The following RAD54L2 variants were observed in gnomAD, a reference collection of about 807,000 sequenced individuals.
RAD54L2 encodes the protein RAD54 like 2.
RAD54L2 carries 27 observed loss-of-function variants against 138.4 expected under a neutral mutation model. That is an observed-to-expected ratio of 0.20 (90% CI 0.14 to 0.27). The LOEUF (loss-of-function observed/expected upper bound fraction) is 0.27, where lower values mean the gene tolerates loss of function less well. Among genes scored for constraint, RAD54L2 ranks in the 10% least tolerant of loss-of-function variants. RAD54L2 has a pLI of 1.00. For missense variants in RAD54L2, 1,396 were observed against 1,890.2 expected (o/e 0.74, Z 4.85); for synonymous variants, 644 against 723.2 (o/e 0.89, Z 1.76).
intron 3 of RAD54L2, among the ~76,000 whole-genome samples, chr3:51,604,129 G>T (rs995019711): frequency 2.6e-5 from 4 of 152,202 alleles, no homozygotes; most frequent in African/African-American, 9.7e-5. Flanking sequence ...AATGGATATA[G>T]ATTGTATGAG....
In RAD54L2 at chr3:51,633,622, G is replaced by A; in HGVS notation, c.871G>A (p.Glu291Lys). The change falls in exon 8 of 23, where the codon GAG (glutamate) becomes AAG (lysine). Residue 291 changes from glutamate to lysine, a missense_variant. Physicochemically the swap from Glu to Lys is moderately conservative, Grantham distance 56 (BLOSUM62 1). This residue lies in a region of RAD54L2 where 12 missense variants were observed against 46.1 expected (regional missense o/e 0.26). Coordinates refer to ENST00000684192, the MANE Select transcript of RAD54L2 (RefSeq NM_015106.4). ...TTACGATAACCTAGTGGAGTCTCTGGAGAGGTTTAAGACCAGCAGTGGCTT... is the reference window on the plus strand; with the variant it reads ...TTACGATAACCTAGTGGAGTCTCTGAAGAGGTTTAAGACCAGCAGTGGCTT... ...FLYDNLVESL[E>K]RFKTSSGFGC... 1 of 1,613,966 alleles carries A rather than the reference G, an allele frequency of 6.2e-7. No individual in the cohort carries two copies. Among genetic ancestry groups the A allele is most frequent in the Non-Finnish European group, 8.5e-7 (1 of 1,179,868 alleles).
intron 22 of RAD54L2, among the ~76,000 whole-genome samples, chr3:51,660,998 G>T (rs983104550): frequency 2.0e-5 from 3 of 151,950 alleles, no homozygotes; most frequent in African/African-American, 7.3e-5. Flanking sequence ...CTGTCACCCA[G>T]GCTGGAGTGC....
chr3:51,648,979 T>C (rs1475477086), intron 19 of RAD54L2, among the ~76,000 whole-genome samples: 1 of 151,996 alleles, frequency 6.6e-6, no homozygotes, highest in Non-Finnish European at 1.5e-5. Flanking sequence ...AGCAGGCTTC[T>C]GAAGGTCAGT....
At chr3:51,562,563 C>T (rs1276442908) in intron 2 of RAD54L2, among the ~76,000 whole-genome samples, 2 of 151,920 alleles carry the variant, frequency 1.3e-5, no homozygotes, top group Non-Finnish European at 2.9e-5. Context: ...CAGGGTTTCA[C>T]CATGTTGGCC....
At chr3:51,554,072 T>A (rs138441330) in intron 2 of RAD54L2, among the ~76,000 whole-genome samples, 1 of 152,226 alleles carries the variant, frequency 6.6e-6, no homozygotes, top group East Asian at 1.9e-4. Context: ...CTGTAGCAAT[T>A]TCTCAAAATA....
intron 7 of RAD54L2, among the ~76,000 whole-genome samples, chr3:51,631,238 T>G (rs1241051474): frequency 6.6e-6 from 1 of 152,136 alleles, no homozygotes; most frequent in South Asian, 2.1e-4. Context: ...TGAGGTGCTC[T>G]CTGGTGAGCA....
At chr3:51,660,312 G>T (rs1466871470) in intron 22 of RAD54L2, among the ~76,000 whole-genome samples, 194 bp downstream of exon 22, 1 of 151,622 alleles carries the variant, frequency 6.6e-6, no homozygotes, top group Non-Finnish European at 1.5e-5. Flanking sequence ...TGTTTGTTTG[G>T]TTTATTTTTT....
chr3:51,575,693 A>G (rs1212975798), intron 2 of RAD54L2, among the ~76,000 whole-genome samples: 4 of 152,200 alleles, frequency 2.6e-5, no homozygotes, highest in African/African-American at 9.7e-5. Context: ...TTGCACACTG[A>G]TTTTGTACCC....
At chr3:51,644,042 C>A in intron 16 of RAD54L2, 68 bp downstream of exon 16, 1 of 1,236,094 alleles carries the variant, frequency 8.1e-7, no homozygotes, top group Non-Finnish European at 1.1e-6. Flanking sequence ...GGCTGGTACC[C>A]CAAAACTCCA....
chr3:51,646,723 A>G (rs1318628025), intron 19 of RAD54L2, among the ~76,000 whole-genome samples: 1 of 152,110 alleles, frequency 6.6e-6, no homozygotes, highest in Non-Finnish European at 1.5e-5. Flanking sequence ...GTCTTTCTGG[A>G]CACCTGGGTA....
At chr3:51,623,630 C>G (rs1389173333) in intron 3 of RAD54L2, among the ~76,000 whole-genome samples, 5 of 152,118 alleles carry the variant, frequency 3.3e-5, no homozygotes, top group Non-Finnish European at 2.9e-5. Flanking sequence ...CTTATATACC[C>G]ATGGGCAAAT....
intron 19 of RAD54L2, among the ~76,000 whole-genome samples, chr3:51,647,051 A>G (rs1011610452): frequency 5.4e-5 from 8 of 148,202 alleles, no homozygotes; most frequent in Non-Finnish European, 1.0e-4. Context: ...TCTAGGTTTA[A>G]TTTTTTTTTT....
Position 51,664,777 on chromosome 3 carries a change from C to T in RAD54L2, c.*1357C>T, listed in dbSNP as rs540520829. The T allele has an allele frequency of 5.3e-5, 8 of 152,272 alleles. No individual in the cohort carries two copies. The East Asian group carries it at 1.2e-3, about 22-fold the overall frequency. The allele number at this position is 152,272 out of a possible 1,614,324, so 9.4% of individuals were successfully genotyped here. A position where few individuals can be genotyped will look rare whatever the true frequency, so the allele number is the denominator to read the frequency against. On this transcript the variant is annotated 3_prime_UTR_variant, in exon 23 of 23. Transcript: ENST00000684192. ...TGGATAGTTAGTGGAGGGTGGGACT[C>T]ATTCCACAGAAATCGAAAGTTGTGA... is the stretch of plus-strand genomic sequence containing the variant.
intron 2 of RAD54L2, among the ~76,000 whole-genome samples, chr3:51,557,626 T>A (rs1168993310): frequency 6.6e-6 from 1 of 151,868 alleles, no homozygotes; most frequent in Non-Finnish European, 1.5e-5. Context: ...GGTCAGGAGT[T>A]TGAGACCAGC....
At chr3:51,641,321 T>G (rs1334067191) in intron 14 of RAD54L2, among the ~76,000 whole-genome samples, 2 of 141,688 alleles carry the variant, frequency 1.4e-5, no homozygotes, top group Non-Finnish European at 3.1e-5. Flanking sequence ...TACCCCCTTT[T>G]TTTTTTTTTT....
At chr3:51,584,784 T>C (rs529322836) in intron 2 of RAD54L2, among the ~76,000 whole-genome samples, 1 of 151,660 alleles carries the variant, frequency 6.6e-6, no homozygotes, top group Non-Finnish European at 1.5e-5. Flanking sequence ...CTGAATGTTT[T>C]CCTGCTGTTC....
intron 14 of RAD54L2, among the ~76,000 whole-genome samples, chr3:51,640,549 C>G (rs1213508322): frequency 6.6e-6 from 1 of 152,230 alleles, no homozygotes; most frequent in African/African-American, 2.4e-5. Flanking sequence ...GCTTCTCCTT[C>G]TTTATAATCT....
intron 3 of RAD54L2, among the ~76,000 whole-genome samples, chr3:51,601,644 A>G (rs1324322144): frequency 6.6e-6 from 1 of 151,616 alleles, no homozygotes; most frequent in Non-Finnish European, 1.5e-5. Context: ...GGGTTTCACC[A>G]TGTTGGCCAG....
chr3:51,594,066 CTTTTTTTTTTT>C (rs904101025), intron 3 of RAD54L2, among the ~76,000 whole-genome samples: 7 of 105,130 alleles, frequency 6.7e-5, no homozygotes, highest in South Asian at 3.2e-4. Flanking sequence ...TTTTCTTTTT[CTTTTTTTTTTT>C]TTTTTTTTTT....
Sources: gnomAD v4.1 joint callset for allele counts (sites outside exome capture counted in the v4.1 genomes callset) on GRCh38, gnomAD v4.1.1 for gene constraint, gnomAD v4.1.1 regional missense constraint, MANE v1.5 for transcripts, NCBI Gene and HGNC (gene_info 2026-07-23, HGNC 2026-07-21) for gene names.